Variants in CCDC141 observed in about 807,000 individuals in gnomAD.
The protein encoded by CCDC141 is coiled-coil domain containing 141, also known as coiled-coil domain-containing protein 141.
In CCDC141, 168 loss-of-function variants were observed where a neutral mutation model predicts 181.0. The observed-to-expected ratio is 0.93, with a 90% CI of 0.82 to 1.05. CCDC141 has a LOEUF of 1.05. CCDC141 is among the 50% of genes least tolerant of loss of function. The pLI is 0.00. For synonymous variants in CCDC141, 666 were observed against 642.3 expected (o/e 1.04, Z -0.56); for missense variants, 1,902 against 1,788.5 (o/e 1.06, Z -1.14).
chr2:178,999,009 T>C (rs1692409144), intron 2 of CCDC141, among the ~76,000 whole-genome samples: 1 of 152,186 alleles, frequency 6.6e-6, no homozygotes, highest in Admixed American at 6.5e-5. Context: ...TGCATCTCTG[T>C]ACAGTCCAAT....
intron 2 of CCDC141, among the ~76,000 whole-genome samples, chr2:179,037,723 A>G (rs965613021): frequency 1.3e-5 from 2 of 152,350 alleles, no homozygotes; most frequent in Admixed American, 6.5e-5. Flanking sequence ...AAAGATATAC[A>G]CTGGCCAATA....
intron 5 of CCDC141, among the ~76,000 whole-genome samples, chr2:178,956,070 T>A (rs1314113028): frequency 1.3e-5 from 2 of 152,148 alleles, no homozygotes; most frequent in Non-Finnish European, 2.9e-5. Context: ...TTCATATTTT[T>A]ACAGAAAACT....
chr2:178,929,632 AAAAATT>A (rs1689026813), intron 6 of CCDC141, among the ~76,000 whole-genome samples: 2 of 152,130 alleles, frequency 1.3e-5, no homozygotes, highest in Non-Finnish European at 2.9e-5. Context: ...ACAACAACAA[AAAAATT>A]AAGTTGTAAG....
chr2:179,049,516 C>T (rs1318000709), intron 1 of CCDC141, among the ~76,000 whole-genome samples: 1 of 152,054 alleles, frequency 6.6e-6, no homozygotes, highest in East Asian at 1.9e-4. Flanking sequence ...TTCCAGTTAC[C>T]AATGCCTTGC....
chr2:179,020,071 TAGATA>T (rs1383799295), intron 2 of CCDC141, among the ~76,000 whole-genome samples: 36 of 152,190 alleles, frequency 2.4e-4, no homozygotes, highest in East Asian at 9.7e-4. Context: ...GATCATTTGA[TAGATA>T]AGATAAGAGA....
intron 5 of CCDC141, among the ~76,000 whole-genome samples, chr2:178,958,120 C>G (rs1690236963): frequency 6.6e-6 from 1 of 152,036 alleles, no homozygotes; most frequent in Non-Finnish European, 1.5e-5. Flanking sequence ...TAGTGTTTAC[C>G]AGGGTTTAGA....
chr2:178,994,412 C>A (rs1244319836), intron 2 of CCDC141, among the ~76,000 whole-genome samples: 1 of 152,202 alleles, frequency 6.6e-6, no homozygotes, highest in Non-Finnish European at 1.5e-5. Flanking sequence ...CTGTGTTGGT[C>A]CCTTTCAGCC....
At chr2:179,016,620 A>T (rs890912916) in intron 2 of CCDC141, among the ~76,000 whole-genome samples, 1 of 152,180 alleles carries the variant, frequency 6.6e-6, no homozygotes, top group Non-Finnish European at 1.5e-5. Context: ...GTATGCTTTT[A>T]CTAACTATTG....
the CCDC141 span, among the ~76,000 whole-genome samples, chr2:178,821,540 T>C: frequency 1.3e-5 from 2 of 152,178 alleles, no homozygotes; most frequent in African/African-American, 4.8e-5. Flanking sequence ...AAATGGTCTA[T>C]TTTGCACCAT....
At chr2:179,012,188 G>C (rs1460615834) in intron 2 of CCDC141, among the ~76,000 whole-genome samples, 1 of 152,016 alleles carries the variant, frequency 6.6e-6, no homozygotes, top group Admixed American at 6.6e-5. Flanking sequence ...ACAAAAAGCT[G>C]GTTGTTTGAA....
At chr2:178,948,059 G>T (rs925692347) in intron 5 of CCDC141, among the ~76,000 whole-genome samples, 1 of 152,038 alleles carries the variant, frequency 6.6e-6, no homozygotes, top group Non-Finnish European at 1.5e-5. Context: ...AATTAGCGGG[G>T]TGTGGTAGCA....
intron 4 of CCDC141, among the ~76,000 whole-genome samples, chr2:178,963,413 G>GT (rs368404547): frequency 0.012 from 1,781 of 150,256 alleles, 10 homozygotes; most frequent in African/African-American, 0.018. Context: ...CAAATATACT[G>GT]TTTTTTTTTG....
intron 2 of CCDC141, among the ~76,000 whole-genome samples, chr2:179,010,771 G>A (rs945866009): frequency 3.9e-5 from 6 of 152,000 alleles, no homozygotes; most frequent in African/African-American, 7.2e-5. Context: ...AAAACAAACC[G>A]AAGTACACAG....
At chr2:178,849,387 T>C (rs892296621) in intron 21 of CCDC141, among the ~76,000 whole-genome samples, 2 of 152,252 alleles carry the variant, frequency 1.3e-5, no homozygotes, top group Admixed American at 1.3e-4. Context: ...TGCTTTGCTC[T>C]ACAGCCTTTG....
At chr2:178,926,253 T>C (rs1688905410) in intron 6 of CCDC141, among the ~76,000 whole-genome samples, 1 of 152,154 alleles carries the variant, frequency 6.6e-6, no homozygotes, top group Non-Finnish European at 1.5e-5. Flanking sequence ...TCCAGAATAT[T>C]CTAAGGTATT....
At chr2:178,967,270 T>G (rs1014394491) in intron 4 of CCDC141, among the ~76,000 whole-genome samples, 9 of 152,008 alleles carry the variant, frequency 5.9e-5, no homozygotes, top group African/African-American at 2.2e-4. Context: ...AAGATATTCC[T>G]CGAGAAGAGC....
intron 6 of CCDC141, among the ~76,000 whole-genome samples, chr2:178,921,341 T>C (rs79146658): frequency 0.058 from 8,844 of 152,326 alleles, 363 homozygotes; most frequent in Non-Finnish European, 0.089. Flanking sequence ...GCACACATAA[T>C]AGGCACTCAC....
chr2:179,011,941 C>G (rs1232242330), intron 2 of CCDC141, among the ~76,000 whole-genome samples: 1 of 152,036 alleles, frequency 6.6e-6, no homozygotes, highest in Non-Finnish European at 1.5e-5. Context: ...AATGACACAA[C>G]CTATCAAAAT....
At chr2:178,899,214 T>C (rs368390271) in intron 8 of CCDC141, among the ~76,000 whole-genome samples, 23 of 152,278 alleles carry the variant, frequency 1.5e-4, no homozygotes, top group South Asian at 1.2e-3. Flanking sequence ...CTAGAAACAA[T>C]AGGCTAGCCT....
Sources: allele counts gnomAD v4.1 joint callset (sites outside exome capture counted in the v4.1 genomes callset), GRCh38; gene constraint gnomAD v4.1.1; transcripts MANE v1.5; gene names NCBI Gene and HGNC (gene_info 2026-07-23, HGNC 2026-07-21).